TSPAN8: variants seen among roughly 807,000 people sequenced by gnomAD.
TSPAN8 encodes tetraspanin 8.
In TSPAN8, 21 loss-of-function variants were observed where a neutral mutation model predicts 32.8. The observed-to-expected ratio is 0.64, with a 90% CI of 0.45 to 0.92. The LOEUF is 0.92. Among genes scored for constraint, TSPAN8 ranks in the 40% least tolerant of loss-of-function variants. TSPAN8 has a pLI of 0.00. For synonymous variants in TSPAN8, 95 were observed against 94.6 expected (o/e 1.00, Z -0.03); for missense variants, 269 against 281.9 (o/e 0.95, Z 0.33).
intron 2 of TSPAN8, among the ~76,000 whole-genome samples, chr12:71,147,413 T>C (rs1371937036): frequency 6.6e-6 from 1 of 152,186 alleles, no homozygotes; most frequent in Non-Finnish European, 1.5e-5. Flanking sequence ...TACATCATTA[T>C]TGGTCCCAAA....
chr12:71,151,210 T>C (rs1872244460), intron 2 of TSPAN8, among the ~76,000 whole-genome samples: 1 of 151,916 alleles, frequency 6.6e-6, no homozygotes, highest in Admixed American at 6.6e-5. Context: ...ACTACAGGTG[T>C]CAGCCACCAC....
intron 4 of TSPAN8, among the ~76,000 whole-genome samples, 184 bp downstream of exon 4, chr12:71,139,527 T>A (rs1440617619): frequency 1.3e-5 from 1 of 77,188 alleles, no homozygotes; most frequent in Non-Finnish European, 2.8e-5. Context: ...CAGAGTATCC[T>A]CCAGTTTCTA....
At chr12:71,156,269 C>CAAAAAAAAAAAAAAAAAAAAAAAAAAAAA (rs1287011627) in intron 2 of TSPAN8, among the ~76,000 whole-genome samples, 2 of 32,516 alleles carry the variant, frequency 6.2e-5, no homozygotes, top group Admixed American at 4.3e-4. Flanking sequence ...AAAAAAAAAA[C>CAAAAAAAAAAAAAAAAAAAAAAAAAAAAA]AAACAAAAAA....
At position 71,137,938 on chromosome 12, in the gene TSPAN8, A is replaced by G; in HGVS notation, c.444+15T>C. 2 of 1,602,546 alleles carry G rather than the reference A, an allele frequency of 1.2e-6. No individual in the cohort carries two copies. Among genetic ancestry groups the G allele is most frequent in the Non-Finnish European group, 1.7e-6 (2 of 1,173,782 alleles). ...TATGTCCAACTCTTTAAAATGAACA[A>G]TGAATTCTAATTACCTCTTCTTGAA... On this transcript the variant is annotated intron_variant, in intron 6 of 8. Transcript: ENST00000247829.
chr12:71,153,129 C>T (rs574972875), intron 2 of TSPAN8, among the ~76,000 whole-genome samples: 1 of 152,222 alleles, frequency 6.6e-6, no homozygotes, highest in Non-Finnish European at 1.5e-5. Context: ...ACTGCATCCA[C>T]GAGCCAAAGG....
intron 3 of TSPAN8, 102 bp from the exon 4 acceptor site, chr12:71,139,950 GT>G: frequency 1.9e-6 from 2 of 1,049,244 alleles, no homozygotes; most frequent in Non-Finnish European, 2.5e-6. Context: ...GTCAAGTCCT[GT>G]GCCAGGACCC....
At chr12:71,142,633 AGTTATG>A (rs1408875913) in intron 3 of TSPAN8, among the ~76,000 whole-genome samples, 2 of 152,118 alleles carry the variant, frequency 1.3e-5, no homozygotes, top group Non-Finnish European at 2.9e-5. Flanking sequence ...AGGAAGTCAC[AGTTATG>A]GTTATCAGTA....
At chr12:71,141,055 G>A (rs911839255) in intron 3 of TSPAN8, among the ~76,000 whole-genome samples, 1 of 152,212 alleles carries the variant, frequency 6.6e-6, no homozygotes, top group Non-Finnish European at 1.5e-5. Flanking sequence ...ATGTGCTGAA[G>A]TTATAAAAGC....
intron 2 of TSPAN8, among the ~76,000 whole-genome samples, chr12:71,148,398 CTTG>C (rs772998288): frequency 6.6e-5 from 10 of 152,076 alleles, no homozygotes; most frequent in Non-Finnish European, 1.5e-4. Context: ...GCATTATTTG[CTTG>C]TTTTCTTTTT....
chr12:71,128,671 C>CA (rs1871420983), intron 8 of TSPAN8, among the ~76,000 whole-genome samples: 1 of 148,142 alleles, frequency 6.8e-6, no homozygotes, highest in African/African-American at 2.5e-5. Flanking sequence ...AAAAACATGC[C>CA]AAGAAAGTTC....
chr12:71,150,437 A>G (rs1012071778), intron 2 of TSPAN8, among the ~76,000 whole-genome samples: 4 of 151,756 alleles, frequency 2.6e-5, no homozygotes, highest in African/African-American at 9.7e-5. Context: ...CTGTTCTTGT[A>G]CCCCTTCCCC....
intron 2 of TSPAN8, among the ~76,000 whole-genome samples, chr12:71,156,342 C>T (rs1478788956): frequency 1.3e-5 from 2 of 150,398 alleles, no homozygotes; most frequent in South Asian, 2.1e-4. Flanking sequence ...AACCTGCTCC[C>T]AATGTTTAAT....
At chr12:71,146,022 C>T (rs1269263479) in intron 2 of TSPAN8, among the ~76,000 whole-genome samples, 2 of 152,060 alleles carry the variant, frequency 1.3e-5, no homozygotes, top group Non-Finnish European at 2.9e-5. Context: ...ATTTAGATAT[C>T]AGATCATTCA....
At chr12:71,130,729 G>A (rs1444763407) in intron 7 of TSPAN8, among the ~76,000 whole-genome samples, 4 of 152,054 alleles carry the variant, frequency 2.6e-5, no homozygotes, top group African/African-American at 9.7e-5. Context: ...TGTCATTTAG[G>A]TTAACAATGA....
chr12:71,131,069 A>C (rs1871505335), intron 7 of TSPAN8, among the ~76,000 whole-genome samples: 1 of 152,162 alleles, frequency 6.6e-6, no homozygotes, highest in Non-Finnish European at 1.5e-5. Flanking sequence ...CTTGAGGAAA[A>C]ACATCTTTCA....
chr12:71,132,673 A>C lies in TSPAN8; in HGVS notation c.576+20T>G. ...AAGTAACAGAATTGCTTATTGTACC[A>C]AATGTGATTTAGTTCTCACCTCTTT... is the stretch of plus-strand genomic sequence containing the variant. On this transcript the variant is annotated intron_variant, in intron 7 of 8. Transcript: ENST00000247829. 3 of 1,611,428 alleles carry C rather than the reference A, an allele frequency of 1.9e-6. No individual in the cohort carries two copies. Among genetic ancestry groups the C allele is most frequent in the Non-Finnish European group, 2.5e-6 (3 of 1,179,102 alleles).
intron 3 of TSPAN8, among the ~76,000 whole-genome samples, chr12:71,141,410 A>G (rs909510946): frequency 1.3e-5 from 2 of 152,242 alleles, no homozygotes; most frequent in African/African-American, 2.4e-5. Context: ...AACTAGCTCT[A>G]TGGACTTCCT....
rs1255154702 is a variant in TSPAN8 at position 71,157,954 on chromosome 12, C to T, written c.-134G>A. ...CACATTTAAATATCGCAAAGGCTAT[C>T]TCCAGGCAAGTATGTTCCTTTGCTT... is the stretch of plus-strand genomic sequence containing the variant. On this transcript the variant is annotated 5_prime_UTR_variant, in exon 1 of 9. Coordinates refer to ENST00000247829, the MANE Select transcript of TSPAN8 (RefSeq NM_004616.3). 2.5e-6 allele frequency: 1 copy of T among 406,224 alleles called. No individual in the cohort carries two copies. Among genetic ancestry groups the T allele is most frequent in the East Asian group, 3.9e-5 (1 of 25,514 alleles). The allele number at this position is 406,224 out of a possible 1,614,324, so 25.2% of individuals were successfully genotyped here. A position where few individuals can be genotyped will look rare whatever the true frequency, so the allele number is the denominator to read the frequency against.
chr12:71,150,272 T>C (rs557470217), intron 2 of TSPAN8, among the ~76,000 whole-genome samples: 1 of 152,198 alleles, frequency 6.6e-6, no homozygotes, highest in Non-Finnish European at 1.5e-5. Flanking sequence ...CTTTTGCCCT[T>C]TGCCTTATGA....
Sources: gnomAD v4.1 joint callset for allele counts (sites outside exome capture counted in the v4.1 genomes callset) on GRCh38, gnomAD v4.1.1 for gene constraint, MANE v1.5 for transcripts, NCBI Gene and HGNC (gene_info 2026-07-23, HGNC 2026-07-21) for gene names.